INF2: variants seen among roughly 807,000 people sequenced by gnomAD.
INF2 encodes inverted formin 2.
A neutral mutation model predicts 123.5 loss-of-function variants in INF2; 43 were observed. The observed-to-expected ratio is 0.35, with a 90% CI of 0.27 to 0.45. The LOEUF (loss-of-function observed/expected upper bound fraction) is 0.45. Among genes scored for constraint, INF2 ranks in the 20% least tolerant of loss-of-function variants. The pLI is 1.00. For synonymous variants in INF2, 851 were observed against 745.0 expected (o/e 1.14, Z -2.32); for missense variants, 1,453 against 1,682.7 (o/e 0.86, Z 2.39).
Position 104,707,523 on chromosome 14 carries a change from C to A in INF2, c.1256C>A (p.Ser419Tyr). The change falls in exon 8 of 23, where the codon TCC (serine) becomes TAC (tyrosine). Residue 419 changes from serine (S) to tyrosine (Y), a missense_variant. By Grantham distance (144) the Ser-to-Tyr change is moderately radical. Coordinates refer to ENST00000392634, the MANE Select transcript of INF2 (RefSeq NM_022489.4). ...SQPRALEQQA[S>Y]TPPPPPPPPL... is the part of the protein sequence containing the mutation. ...CCCAGAGCCCTGGAGCAGCAGGCGT[C>A]CACCCCACCCCCACCCCCACCCCCA... 6.6e-7 allele frequency: 1 copy of A among 1,519,726 alleles called. No individual in the cohort carries two copies. Among genetic ancestry groups the A allele is most frequent in the Non-Finnish European group, 8.8e-7 (1 of 1,134,180 alleles). The allele number at this position is 1,519,726 out of a possible 1,614,324, so 94.1% of individuals were successfully genotyped here.
At chr14:104,688,362 G>A (rs914423814), upstream of INF2, among the ~76,000 whole-genome samples, 2 of 152,162 alleles carry the variant, frequency 1.3e-5, no homozygotes, top group African/African-American at 4.8e-5. Flanking sequence ...CGGAGCGGAG[G>A]CACACCAAAG....
upstream of INF2, among the ~76,000 whole-genome samples, chr14:104,688,106 GC>G (rs1159152441): frequency 2.6e-5 from 4 of 152,264 alleles, no homozygotes; most frequent in Non-Finnish European, 4.4e-5. Context: ...AGGGCCGGAG[GC>G]CGGCCTTCCA....
In INF2 at chr14:104,711,027, C is replaced by T. The variant is rs1890023305; in HGVS notation, c.2310+20C>T. On this transcript the variant is annotated intron_variant, in intron 14 of 22. Transcript: ENST00000392634. Reference sequence around the variant, plus strand: ...AACTACGTAAGTCAGGGGCAGCTCCCCATCCCACCTGGTGCCAGGGGCTGG... The same window carrying T: ...AACTACGTAAGTCAGGGGCAGCTCCTCATCCCACCTGGTGCCAGGGGCTGG... 6.2e-7 allele frequency: 1 copy of T among 1,611,428 alleles called. No homozygotes were observed. The highest frequency in any genetic ancestry group is 8.5e-7 in the Non-Finnish European group (1 of 1,179,408).
chr14:104,718,895 GC>G lies in INF2; in HGVS notation c.*106del. The G allele has an allele frequency of 6.4e-7, 1 of 1,559,634 alleles. No individual in the cohort carries two copies. The highest frequency in any genetic ancestry group is 8.6e-7 in the Non-Finnish European group (1 of 1,160,164). On this transcript the variant is annotated 3_prime_UTR_variant, in exon 23 of 23. Coordinates refer to ENST00000392634, the MANE Select transcript of INF2 (RefSeq NM_022489.4). ...CTTCTGGGGGCCAGGCTGGGACTGG[GC>G]CCCGGAAACCAAAACTCCGTGCCTT...
rs778644374 is a variant in INF2 at position 104,714,650 on chromosome 14, C to T, written c.3488C>T (p.Pro1163Leu). The change falls in exon 21 of 23, where the codon CCC (proline) becomes CTC (leucine). Residue 1163 changes from proline (P) to leucine (L), a missense_variant. Transcript: ENST00000392634. ...GCTGTCCACAGCCGTGGTGCCAGAC[C>T]CCCTGCAGCAGGCCCAGGTGGGGAT... ...EDAVHSRGAR[P>L]PAAGPGGDED... 3.1e-6 allele frequency: 5 copies of T among 1,612,474 alleles called. No individual in the cohort carries two copies. Among genetic ancestry groups the T allele is most frequent in the Non-Finnish European group, 4.2e-6 (5 of 1,179,718 alleles).
intron 8 of INF2, 148 bp from the exon 9 acceptor site, chr14:104,708,288 G>A: frequency 9.6e-7 from 1 of 1,037,288 alleles, no homozygotes; most frequent in Non-Finnish European, 1.4e-6. Flanking sequence ...AGGTAGGGAG[G>A]TAGGGTGCCT....
upstream of INF2, chr14:104,689,173 T>G (rs1311584485): frequency 4.1e-6 from 4 of 982,082 alleles, no homozygotes; most frequent in African/African-American, 7.2e-5. Flanking sequence ...CCATCTCTGC[T>G]GAGGGATCCC....
upstream of INF2, among the ~76,000 whole-genome samples, chr14:104,686,893 C>T (rs1426504328): frequency 6.6e-6 from 1 of 152,234 alleles, no homozygotes; most frequent in Non-Finnish European, 1.5e-5. Flanking sequence ...CTCCCCTCAT[C>T]CCAATCTTCC....
At chr14:104,697,893 G>GT (rs995720472) in intron 1 of INF2, among the ~76,000 whole-genome samples, 1 of 152,224 alleles carries the variant, frequency 6.6e-6, no homozygotes, top group African/African-American at 2.4e-5. Context: ...CTGCCGGGGG[G>GT]GGTGGATGGG....
intron 10 of INF2, 81 bp from the exon 11 acceptor site, chr14:104,709,200 C>A: frequency 9.0e-7 from 1 of 1,110,932 alleles, no homozygotes; most frequent in Non-Finnish European, 1.3e-6. Flanking sequence ...TGGGGAAACC[C>A]TGCCAGGTGG....
At position 104,707,412 on chromosome 14, in the gene INF2, G is replaced by A; in HGVS notation, c.1145G>A (p.Ser382Asn). 6.3e-7 allele frequency: 1 copy of A among 1,581,908 alleles called. No homozygotes were observed. The highest frequency in any genetic ancestry group is 1.4e-5 in the African/African-American group (1 of 73,998). The stretch of plus-strand genomic sequence containing the variant: ...CAAAACACTACAACCCCCAAGCCCA[G>A]CGTGGAGGGCCAGCAGCCAGCAGCA... ...SPQNTTTPKPSVEGQQPAAAA... is the reference protein window; with the variant it reads ...SPQNTTTPKPNVEGQQPAAAA... The change falls in exon 8 of 23, where the codon AGC (serine) becomes AAC (asparagine). Residue 382 changes from serine to asparagine, a missense_variant. This residue lies in a region of INF2 where 374 missense variants were observed against 303.7 expected (regional missense o/e 1.23). Transcript: ENST00000392634.
intron 22 of INF2, among the ~76,000 whole-genome samples, chr14:104,718,182 C>T (rs1379055739): frequency 6.6e-6 from 1 of 152,260 alleles, no homozygotes; most frequent in Non-Finnish European, 1.5e-5. Context: ...CCTGCTTGGG[C>T]CATCCCACTG....
chr14:104,690,487 C>G (rs1439857495), intron 1 of INF2: 1 of 152,702 alleles, frequency 6.5e-6, no homozygotes, highest in Non-Finnish European at 1.5e-5. Flanking sequence ...TCAAGCTCCC[C>G]ACCCAGGGCT....
At chr14:104,692,651 C>T (rs1219959522) in intron 1 of INF2, among the ~76,000 whole-genome samples, 3 of 152,174 alleles carry the variant, frequency 2.0e-5, no homozygotes, top group Admixed American at 6.5e-5. Flanking sequence ...CAGAGCAGCC[C>T]ATGCAGACAG....
intron 2 of INF2, 52 bp from the exon 3 acceptor site, chr14:104,703,053 C>A: frequency 7.0e-7 from 1 of 1,432,564 alleles, no homozygotes; most frequent in Non-Finnish European, 9.8e-7. Context: ...GCTGCACAGG[C>A]ATGGGAAGGG....
Position 104,706,895 on chromosome 14 carries a change from C to T in INF2, c.844-15C>T. ...GGGCCGGCTGCTGACCTGCACCCCA[C>T]ACTCGCCCGTCCAGGTGAGCTGCTC... On this transcript the variant is annotated splice_polypyrimidine_tract_variant and intron_variant, in intron 6 of 22. Coordinates refer to ENST00000392634, the MANE Select transcript of INF2 (RefSeq NM_022489.4). 3 of 1,602,988 alleles carry T rather than the reference C, an allele frequency of 1.9e-6. No homozygotes were observed. The highest frequency in any genetic ancestry group is 2.5e-6 in the Non-Finnish European group (3 of 1,178,894).
intron 1 of INF2, among the ~76,000 whole-genome samples, chr14:104,700,423 C>CGAG (rs1255119829): frequency 4.6e-5 from 7 of 152,322 alleles, no homozygotes; most frequent in Non-Finnish European, 8.8e-5. Context: ...GCTCCCTCCC[C>CGAG]GAGGCTCCAC....
chr14:104,691,746 C>T (rs936037443), intron 1 of INF2, among the ~76,000 whole-genome samples: 6 of 152,068 alleles, frequency 3.9e-5, no homozygotes, highest in Non-Finnish European at 5.9e-5. Flanking sequence ...GGCTCCCCGT[C>T]GCTGGAGGGG....
At chr14:104,692,455 G>A (rs1889000716) in intron 1 of INF2, among the ~76,000 whole-genome samples, 1 of 152,082 alleles carries the variant, frequency 6.6e-6, no homozygotes, top group African/African-American at 2.4e-5. Context: ...TGGCCCCACA[G>A]AGTAGCTGGA....
Sources: allele counts gnomAD v4.1 joint callset (sites outside exome capture counted in the v4.1 genomes callset), GRCh38; gene constraint gnomAD v4.1.1; regional missense constraint gnomAD v4.1.1; transcripts MANE v1.5; gene names NCBI Gene and HGNC (gene_info 2026-07-23, HGNC 2026-07-21).